Variants in ANKS1B observed in about 807,000 individuals in gnomAD.
ANKS1B encodes the protein ankyrin repeat and sterile alpha motif domain-containing protein 1B.
A neutral mutation model predicts 148.3 loss-of-function variants in ANKS1B; 36 were observed. The ratio of observed to expected loss-of-function variants is 0.24; its 90% CI spans 0.19 to 0.32. ANKS1B has a LOEUF of 0.32. Among genes scored for constraint, ANKS1B ranks in the 10% least tolerant of loss-of-function variants. The probability of loss-of-function intolerance (pLI) is 1.00; values close to 1 mark genes in which losing one functional copy is unlikely to be tolerated. For missense variants in ANKS1B, 1,157 were observed against 1,542.6 expected (o/e 0.75, Z 4.19); for synonymous variants, 542 against 560.8 (o/e 0.97, Z 0.47).
chr12:99,809,389 A>G (rs1364103956), intron 3 of ANKS1B, among the ~76,000 whole-genome samples: 1 of 152,010 alleles, frequency 6.6e-6, no homozygotes, highest in Non-Finnish European at 1.5e-5. Context: ...AAAGAAAAAA[A>G]AAAAGAGGAA....
chr12:99,811,461 T>C (rs2068359730), intron 3 of ANKS1B, among the ~76,000 whole-genome samples: 1 of 151,936 alleles, frequency 6.6e-6, no homozygotes, highest in African/African-American at 2.4e-5. Flanking sequence ...TCATACTGTA[T>C]TAGGGGACCA....
At chr12:99,599,479 T>C (rs1257370329) in intron 9 of ANKS1B, among the ~76,000 whole-genome samples, 1 of 152,024 alleles carries the variant, frequency 6.6e-6, no homozygotes, top group Non-Finnish European at 1.5e-5. Flanking sequence ...ATTTGCAGCA[T>C]TATATTGTGA....
chr12:99,843,478 C>T (rs1173117900), intron 1 of ANKS1B, among the ~76,000 whole-genome samples: 1 of 151,972 alleles, frequency 6.6e-6, no homozygotes, highest in East Asian at 1.9e-4. Context: ...TCATCATTTG[C>T]CTCCCACTTA....
intron 8 of ANKS1B, among the ~76,000 whole-genome samples, chr12:99,757,293 A>C (rs7968192): frequency 0.44 from 66,311 of 151,862 alleles, 14,877 homozygotes; most frequent in South Asian, 0.61. Flanking sequence ...AAGAACATTA[A>C]CAGGCACTTC....
chr12:99,715,276 C>T (rs2057162357), intron 8 of ANKS1B, among the ~76,000 whole-genome samples: 1 of 152,082 alleles, frequency 6.6e-6, no homozygotes, highest in Non-Finnish European at 1.5e-5. Context: ...GATGACATTC[C>T]ACCATAAAAG....
At chr12:99,311,290 A>C (rs1381414261) in intron 12 of ANKS1B, among the ~76,000 whole-genome samples, 1 of 152,166 alleles carries the variant, frequency 6.6e-6, no homozygotes, top group Non-Finnish European at 1.5e-5. Flanking sequence ...CAAGTTGAAA[A>C]AAATATACAG....
chr12:99,051,363 C>A (rs1342295771), intron 17 of ANKS1B, among the ~76,000 whole-genome samples: 1 of 152,160 alleles, frequency 6.6e-6, no homozygotes, highest in Admixed American at 6.5e-5. Context: ...GATTCATGTG[C>A]TACCTATTGT....
intron 9 of ANKS1B, among the ~76,000 whole-genome samples, chr12:99,573,732 AT>A (rs1248199562): frequency 1.3e-5 from 2 of 151,988 alleles, no homozygotes; most frequent in African/African-American, 2.4e-5. Flanking sequence ...TAGAAAAAAA[AT>A]CCTCACTCTT....
At chr12:98,973,952 T>C (rs1286771143) in intron 17 of ANKS1B, among the ~76,000 whole-genome samples, 1 of 151,916 alleles carries the variant, frequency 6.6e-6, no homozygotes, top group African/African-American at 2.4e-5. Flanking sequence ...AAACAGTACA[T>C]ATAGGGTTTG....
At chr12:99,317,381 T>C (rs2084337677) in intron 12 of ANKS1B, among the ~76,000 whole-genome samples, 1 of 152,248 alleles carries the variant, frequency 6.6e-6, no homozygotes, top group Non-Finnish European at 1.5e-5. Flanking sequence ...GTCCTTCATG[T>C]TCCTTGTAAG....
At chr12:99,620,491 C>T (rs1439363064) in intron 9 of ANKS1B, among the ~76,000 whole-genome samples, 2 of 151,872 alleles carry the variant, frequency 1.3e-5, no homozygotes, top group African/African-American at 4.8e-5. Context: ...ACTTCTAAAG[C>T]AATCCAAAAA....
Position 98,829,447 on chromosome 12 carries a change from T to C in ANKS1B, c.2887-94A>G. 7.8e-7 allele frequency: 1 copy of C among 1,288,056 alleles called. No individual in the cohort carries two copies. Among genetic ancestry groups the C allele is most frequent in the Non-Finnish European group, 1.1e-6 (1 of 934,758 alleles). The allele number at this position is 1,288,056 out of a possible 1,614,324, so 79.8% of individuals were successfully genotyped here. A position where few individuals can be genotyped will look rare whatever the true frequency, so the allele number is the denominator to read the frequency against. ...ATACTGACAAGACAAACTGTGGGGG[T>C]GGGGAGTCGCTTTTGAAGCAACAGC... On this transcript the variant is annotated intron_variant, in intron 18 of 26. Transcript: ENST00000683438. This position sits in a 1 kb window ranked among gnomAD's most constrained non-coding sequence, Gnocchi z 5.2.
intron 9 of ANKS1B, among the ~76,000 whole-genome samples, chr12:99,572,112 G>A (rs1434845944): frequency 6.6e-6 from 1 of 151,900 alleles, no homozygotes; most frequent in Non-Finnish European, 1.5e-5. Context: ...TATGACCCTG[G>A]GCACTTCACA....
intron 4 of ANKS1B, among the ~76,000 whole-genome samples, chr12:99,796,485 GA>G (rs2066268461): frequency 6.6e-6 from 1 of 151,738 alleles, no homozygotes; most frequent in Non-Finnish European, 1.5e-5. Context: ...TCTCTTTCTG[GA>G]AAAAGCAGAT....
At chr12:99,822,851 T>G (rs898766578) in intron 2 of ANKS1B, among the ~76,000 whole-genome samples, 1 of 152,218 alleles carries the variant, frequency 6.6e-6, no homozygotes. Flanking sequence ...TTAAGTTCTT[T>G]GAGAAATCTC....
At chr12:98,850,194 C>G (rs1449370537) in intron 17 of ANKS1B, among the ~76,000 whole-genome samples, 1 of 152,098 alleles carries the variant, frequency 6.6e-6, no homozygotes, top group Non-Finnish European at 1.5e-5. Context: ...TTCTTTATGT[C>G]TTTGTTAAAT....
chr12:99,133,404 G>C (rs2066824546), intron 15 of ANKS1B, among the ~76,000 whole-genome samples: 1 of 152,062 alleles, frequency 6.6e-6, no homozygotes, highest in African/African-American at 2.4e-5. Flanking sequence ...AATATTTAGT[G>C]TTAACCCCTT....
intron 9 of ANKS1B, among the ~76,000 whole-genome samples, chr12:99,615,319 C>T (rs570714158): frequency 6.6e-6 from 1 of 152,218 alleles, no homozygotes; most frequent in African/African-American, 2.4e-5. Flanking sequence ...CATTTTTCAA[C>T]TTCTTTGAAT....
At chr12:99,483,137 G>A (rs2096438865) in intron 10 of ANKS1B, among the ~76,000 whole-genome samples, 1 of 150,870 alleles carries the variant, frequency 6.6e-6, no homozygotes, top group African/African-American at 2.4e-5. Context: ...GCTGTGGGTA[G>A]GTCATATATA....
Sources: allele counts gnomAD v4.1 joint callset (sites outside exome capture counted in the v4.1 genomes callset), GRCh38; gene constraint gnomAD v4.1.1; non-coding constraint Gnocchi (gnomAD v3.1); transcripts MANE v1.5; gene names NCBI Gene and HGNC (gene_info 2026-07-23, HGNC 2026-07-21).